CAMTA1: variants seen among roughly 807,000 people sequenced by gnomAD.
CAMTA1 encodes the protein calmodulin-binding transcription activator 1.
In CAMTA1, 27 loss-of-function variants were observed where a neutral mutation model predicts 170.9. That is an observed-to-expected ratio of 0.16 (90% CI 0.12 to 0.22). The LOEUF is 0.22. Among genes scored for constraint, CAMTA1 ranks in the 10% least tolerant of loss-of-function variants. The probability of loss-of-function intolerance (pLI) is 1.00; values close to 1 mark genes in which losing one functional copy is unlikely to be tolerated. For synonymous variants in CAMTA1, 833 were observed against 891.5 expected, an observed-to-expected ratio of 0.93 and a Z score of 1.17; for missense variants, 1,619 against 2,217.2, an observed-to-expected ratio of 0.73 and a Z score of 5.42.
At chr1:7,355,961 C>T (rs1278289422) in intron 5 of CAMTA1, among the ~76,000 whole-genome samples, 1 of 152,254 alleles carries the variant, frequency 6.6e-6, no homozygotes, top group South Asian at 2.1e-4. Flanking sequence ...CCCTTCTTTG[C>T]TCTCAGGAAG....
intron 3 of CAMTA1, among the ~76,000 whole-genome samples, chr1:7,042,160 C>T (rs564972363): frequency 6.6e-6 from 1 of 152,290 alleles, no homozygotes; most frequent in African/African-American, 2.4e-5. Flanking sequence ...ACTTCTGCTG[C>T]CCTGGCTTAG....
At chr1:7,701,157 C>A (rs2096435142) in intron 11 of CAMTA1, among the ~76,000 whole-genome samples, 1 of 152,170 alleles carries the variant, frequency 6.6e-6, no homozygotes, top group Non-Finnish European at 1.5e-5. Flanking sequence ...GAAGTGAAAC[C>A]CAGATCCACT....
intron 5 of CAMTA1, among the ~76,000 whole-genome samples, chr1:7,460,520 G>A (rs1020290355): frequency 6.6e-6 from 1 of 152,118 alleles, no homozygotes; most frequent in Admixed American, 6.5e-5. Flanking sequence ...ATGGGATCTG[G>A]TCCCACACGT....
At chr1:7,001,186 C>T (rs1698160208) in intron 3 of CAMTA1, among the ~76,000 whole-genome samples, 1 of 152,204 alleles carries the variant, frequency 6.6e-6, no homozygotes, top group Non-Finnish European at 1.5e-5. Context: ...CTCTAAACTC[C>T]ATTTTCAGAG....
intron 3 of CAMTA1, among the ~76,000 whole-genome samples, chr1:7,078,665 G>A (rs2148001422): frequency 6.6e-6 from 1 of 152,330 alleles, no homozygotes; most frequent in East Asian, 1.9e-4. Context: ...TCATCCTCTT[G>A]CTACAAACAA....
chr1:7,511,938 T>G (rs1207258126), intron 6 of CAMTA1, among the ~76,000 whole-genome samples: 1 of 152,160 alleles, frequency 6.6e-6, no homozygotes, highest in Non-Finnish European at 1.5e-5. Flanking sequence ...TTTTCTCAGT[T>G]TCTTCTGAGG....
Position 7,547,854 on chromosome 1 carries a change from A to G in CAMTA1, c.510+79953A>G, listed in dbSNP as rs1575953219. On this transcript the variant is annotated intron_variant, in intron 6 of 22. Coordinates refer to ENST00000303635, the MANE Select transcript of CAMTA1 (RefSeq NM_015215.4). This position sits in a 1 kb window ranked among gnomAD's most constrained non-coding sequence, Gnocchi z 5.7. ...GCCCCCTCCAAACCCAGACTCTGACACCCCTTGCAAGGGCACTCCACTGTG... is the reference window on the plus strand; with the variant it reads ...GCCCCCTCCAAACCCAGACTCTGACGCCCCTTGCAAGGGCACTCCACTGTG... Among the ~76,000 whole-genome samples, 1 of 151,874 alleles carries G rather than the reference A, an allele frequency of 6.6e-6. No individual in the cohort carries two copies. Among genetic ancestry groups the G allele is most frequent in the East Asian group, 1.9e-4 (1 of 5,140 alleles).
At chr1:7,245,874 A>G (rs1343884657) in intron 4 of CAMTA1, among the ~76,000 whole-genome samples, 1 of 152,116 alleles carries the variant, frequency 6.6e-6, no homozygotes, top group East Asian at 1.9e-4. Flanking sequence ...AAAGAGGAGG[A>G]GGAGGAATGC....
chr1:7,409,493 G>A (rs1196867658), intron 5 of CAMTA1, among the ~76,000 whole-genome samples: 1 of 152,094 alleles, frequency 6.6e-6, no homozygotes, highest in African/African-American at 2.4e-5. Flanking sequence ...CCGCCCTTGA[G>A]GGCAGAGTCC....
intron 5 of CAMTA1, among the ~76,000 whole-genome samples, chr1:7,381,338 T>A (rs1483071320): frequency 7.4e-6 from 1 of 135,950 alleles, no homozygotes; most frequent in Non-Finnish European, 1.5e-5. Context: ...CAGAGTGTGA[T>A]GTTCCCCTTC....
chr1:6,801,722 G>T (rs1385041280), intron 1 of CAMTA1, among the ~76,000 whole-genome samples: 1 of 151,438 alleles, frequency 6.6e-6, no homozygotes, highest in Non-Finnish European at 1.5e-5. Context: ...GAGAAAACTA[G>T]TTATAATGTC....
intron 3 of CAMTA1, among the ~76,000 whole-genome samples, chr1:6,861,046 C>A (rs1454051483): frequency 1.3e-5 from 2 of 150,332 alleles, no homozygotes; most frequent in African/African-American, 2.4e-5. Context: ...CTCACTGCAA[C>A]CTCCACCTCC....
chr1:7,166,304 G>A (rs1004558109), intron 4 of CAMTA1, among the ~76,000 whole-genome samples: 2 of 152,162 alleles, frequency 1.3e-5, no homozygotes, highest in Admixed American at 6.5e-5. Context: ...CTGACTGCGT[G>A]ATCTGCCTGC....
In CAMTA1 at chr1:7,680,217, TG is replaced by T; in HGVS notation, c.2914+2485del. On this transcript the variant is annotated intron_variant, in intron 11 of 22. Coordinates refer to ENST00000303635, the MANE Select transcript of CAMTA1 (RefSeq NM_015215.4). The surrounding 1 kb of genome is among the most constrained non-coding windows in gnomAD (Gnocchi z 4.4). ...CAATGCTGCAGTGGCCGGGCGGTGG[TG>T]AGCCTTCCGTTCCCCGCCTGTCCCT... 3.6e-6 allele frequency: 1 copy of T among 276,832 alleles called. No homozygotes were observed. The highest frequency in any genetic ancestry group is 2.7e-5 in the South Asian group (1 of 36,806). The allele number at this position is 276,832 out of a possible 1,614,324, so 17.1% of individuals were successfully genotyped here. A position where few individuals can be genotyped will look rare whatever the true frequency, so the allele number is the denominator to read the frequency against.
At chr1:7,191,947 C>T (rs1267219239) in intron 4 of CAMTA1, among the ~76,000 whole-genome samples, 1 of 152,222 alleles carries the variant, frequency 6.6e-6, no homozygotes, top group Non-Finnish European at 1.5e-5. Flanking sequence ...ACTAGACACA[C>T]ATTCCTCTCT....
intron 6 of CAMTA1, among the ~76,000 whole-genome samples, chr1:7,548,492 C>T (rs1457614853): frequency 9.9e-6 from 1 of 101,328 alleles, no homozygotes; most frequent in Non-Finnish European, 2.0e-5. Context: ...TGGAGGGTGC[C>T]CCTTTAGGGG....
intron 5 of CAMTA1, among the ~76,000 whole-genome samples, chr1:7,370,980 C>T (rs1446553401): frequency 7.1e-6 from 1 of 140,608 alleles, no homozygotes; most frequent in Non-Finnish European, 1.5e-5. Flanking sequence ...GGCGCGATCT[C>T]GGCTCACTGC....
intron 6 of CAMTA1, among the ~76,000 whole-genome samples, chr1:7,476,821 T>C (rs1052561237): frequency 6.6e-6 from 1 of 152,112 alleles, no homozygotes; most frequent in Non-Finnish European, 1.5e-5. Context: ...CTGTCACCAG[T>C]AGCAATAACA....
At chr1:7,075,706 A>G (rs536322647) in intron 3 of CAMTA1, among the ~76,000 whole-genome samples, 1 of 144,648 alleles carries the variant, frequency 6.9e-6, no homozygotes, top group Non-Finnish European at 1.5e-5. Context: ...TCTGTCATCC[A>G]GGCTGGAGTG....
Sources: allele counts gnomAD v4.1 joint callset (sites outside exome capture counted in the v4.1 genomes callset), GRCh38; gene constraint gnomAD v4.1.1; non-coding constraint Gnocchi (gnomAD v3.1); transcripts MANE v1.5; gene names NCBI Gene and HGNC (gene_info 2026-07-23, HGNC 2026-07-21).